TMEM232: variants seen among roughly 807,000 people sequenced by gnomAD.
TMEM232 encodes the protein transmembrane protein 232.
Under a neutral mutation model 78.8 loss-of-function variants are expected in TMEM232, and 80 were observed. The observed-to-expected ratio is 1.01, with a 90% confidence interval of 0.85 to 1.22. The LOEUF is 1.22. Ranked by LOEUF, TMEM232 falls within the 50% of genes most tolerant of loss-of-function variation. The probability of loss-of-function intolerance (pLI) is 0.00; values close to 1 mark genes in which losing one functional copy is unlikely to be tolerated. For synonymous variants in TMEM232, 297 were observed against 254.3 expected, an observed-to-expected ratio of 1.17 and a Z score of -1.60; for missense variants, 881 against 742.2, an observed-to-expected ratio of 1.19 and a Z score of -2.17.
chr5:110,515,661 C>T (rs926035135), intron 12 of TMEM232, among the ~76,000 whole-genome samples: 1 of 152,200 alleles, frequency 6.6e-6, no homozygotes, highest in African/African-American at 2.4e-5. Context: ...CTAAGCCTCT[C>T]CAGTAAAGCC....
chr5:110,537,271 G>A (rs1327452185), intron 11 of TMEM232, among the ~76,000 whole-genome samples: 11 of 149,768 alleles, frequency 7.3e-5, no homozygotes, highest in Admixed American at 3.3e-4. Flanking sequence ...AATCTAAAGA[G>A]AAAACTTATA....
chr5:110,702,861 A>G (rs566068337), intron 1 of TMEM232, among the ~76,000 whole-genome samples: 14 of 152,156 alleles, frequency 9.2e-5, no homozygotes, highest in Admixed American at 3.9e-4. Context: ...CATTTGGCCA[A>G]AAAACAAATG....
At chr5:110,657,276 A>G (rs1789204661) in intron 2 of TMEM232, among the ~76,000 whole-genome samples, 1 of 152,184 alleles carries the variant, frequency 6.6e-6, no homozygotes, top group Non-Finnish European at 1.5e-5. Flanking sequence ...TATAATCAGT[A>G]TGTGAAAGAG....
At chr5:110,736,280 G>T (rs1799154594) in intron 1 of TMEM232, among the ~76,000 whole-genome samples, 1 of 152,154 alleles carries the variant, frequency 6.6e-6, no homozygotes, top group Non-Finnish European at 1.5e-5. Context: ...CTGATTAAAT[G>T]ATATGAACAG....
intron 11 of TMEM232, among the ~76,000 whole-genome samples, chr5:110,553,661 C>A (rs1256807476): frequency 2.0e-5 from 3 of 152,132 alleles, no homozygotes; most frequent in African/African-American, 7.2e-5. Context: ...AGAGTCATAT[C>A]ATCTTATAAG....
chr5:110,573,089 A>G (rs1361073197), intron 10 of TMEM232, among the ~76,000 whole-genome samples: 1 of 152,068 alleles, frequency 6.6e-6, no homozygotes, highest in African/African-American at 2.4e-5. Context: ...AAACCAAAAC[A>G]AGTTCTTAAT....
chr5:110,438,323 A>G (rs1200854990), intron 12 of TMEM232, among the ~76,000 whole-genome samples: 1 of 151,514 alleles, frequency 6.6e-6, no homozygotes, highest in African/African-American at 2.4e-5. Context: ...GTCTGCTCAG[A>G]AATATAGAGG....
intron 12 of TMEM232, among the ~76,000 whole-genome samples, chr5:110,451,810 T>C (rs1760318216): frequency 6.6e-6 from 1 of 152,082 alleles, no homozygotes; most frequent in Admixed American, 6.6e-5. Context: ...CATCACTTAT[T>C]ATACATTTGG....
At chr5:110,560,106 A>G (rs1278668347) in intron 11 of TMEM232, among the ~76,000 whole-genome samples, 1 of 152,184 alleles carries the variant, frequency 6.6e-6, no homozygotes, top group Non-Finnish European at 1.5e-5. Context: ...TAGGACTATA[A>G]CATCTCTTTT....
At chr5:110,708,610 T>C (rs1457982273) in intron 1 of TMEM232, among the ~76,000 whole-genome samples, 1 of 152,182 alleles carries the variant, frequency 6.6e-6, no homozygotes, top group Non-Finnish European at 1.5e-5. Context: ...TTATTAGTTT[T>C]CTTTTTGTAT....
intron 12 of TMEM232, among the ~76,000 whole-genome samples, chr5:110,499,031 T>C (rs1765921111): frequency 6.6e-6 from 1 of 151,904 alleles, no homozygotes; most frequent in Non-Finnish European, 1.5e-5. Context: ...CAGTAATACC[T>C]TAAACAACTG....
At chr5:110,737,207 C>T (rs1435265563) in intron 1 of TMEM232, among the ~76,000 whole-genome samples, 1 of 151,892 alleles carries the variant, frequency 6.6e-6, no homozygotes, top group Non-Finnish European at 1.5e-5. Context: ...GTATCTGACA[C>T]GAGATAGGTG....
intron 1 of TMEM232, among the ~76,000 whole-genome samples, chr5:110,713,190 TA>T (rs536069767): frequency 7.2e-4 from 109 of 152,010 alleles, no homozygotes; most frequent in Non-Finnish European, 1.1e-3. Context: ...TTGTGGGATC[TA>T]AGATTCAAAA....
chr5:110,436,548 G>A (rs1758456743), intron 12 of TMEM232, among the ~76,000 whole-genome samples: 1 of 151,960 alleles, frequency 6.6e-6, no homozygotes, highest in Non-Finnish European at 1.5e-5. Flanking sequence ...ATGTACTGGA[G>A]AGTTTCCTCA....
At chr5:110,508,607 T>C (rs905921613) in intron 12 of TMEM232, among the ~76,000 whole-genome samples, 1 of 150,610 alleles carries the variant, frequency 6.6e-6, no homozygotes, top group African/African-American at 2.4e-5. Context: ...CAAGCCTGCT[T>C]AGAGGATCTT....
At chr5:110,433,517 A>G (rs1362479604) in intron 12 of TMEM232, among the ~76,000 whole-genome samples, 1 of 151,844 alleles carries the variant, frequency 6.6e-6, no homozygotes, top group Non-Finnish European at 1.5e-5. Flanking sequence ...TCAAGAAGAT[A>G]GAAAAATCTC....
intron 12 of TMEM232, among the ~76,000 whole-genome samples, chr5:110,441,783 A>C (rs1230472220): frequency 6.6e-6 from 1 of 152,218 alleles, no homozygotes; most frequent in African/African-American, 2.4e-5. Context: ...AACAGTTTAC[A>C]AATAACTAAA....
rs371120587 is a variant in TMEM232, at chr5:110,459,441, T to C, written c.1704-34525A>G. Reference sequence around the variant, plus strand: ...GGAATAAGTCCTGTTTTTTATCTTATATACTAGTGAATTAAAAATATTATG... The same window carrying C: ...GGAATAAGTCCTGTTTTTTATCTTACATACTAGTGAATTAAAAATATTATG... On this transcript the variant is annotated intron_variant, in intron 12 of 13. Coordinates refer to ENST00000455884, the MANE Select transcript of TMEM232 (RefSeq NM_001039763.4). Among the ~76,000 whole-genome samples, 97 of 152,294 alleles carry C rather than the reference T, an allele frequency of 6.4e-4. 1 individual carries two copies. In the South Asian group the frequency reaches 0.019, roughly 30 times the overall value.
intron 7 of TMEM232, among the ~76,000 whole-genome samples, chr5:110,625,017 G>A (rs1784236741): frequency 6.6e-6 from 1 of 151,946 alleles, no homozygotes; most frequent in African/African-American, 2.4e-5. Flanking sequence ...AAAGAAGAAG[G>A]TATTATGGCA....
Sources: allele counts gnomAD v4.1 joint callset (sites outside exome capture counted in the v4.1 genomes callset), GRCh38; gene constraint gnomAD v4.1.1; transcripts MANE v1.5; gene names NCBI Gene and HGNC (gene_info 2026-07-23, HGNC 2026-07-21).